CAMK2D: variants seen among roughly 807,000 people sequenced by gnomAD.
CAMK2D encodes the protein calcium/calmodulin-dependent protein kinase type II subunit delta.
A neutral mutation model predicts 84.0 loss-of-function variants in CAMK2D; 37 were observed. That is an observed-to-expected ratio of 0.44 (90% CI 0.34 to 0.58). The LOEUF (loss-of-function observed/expected upper bound fraction) is 0.58. CAMK2D is among the 20% of genes least tolerant of loss of function. CAMK2D has a pLI of 0.02. For synonymous variants in CAMK2D, 202 were observed against 212.5 expected (o/e 0.95, Z 0.43); for missense variants, 448 against 652.5 (o/e 0.69, Z 3.41).
intron 16 of CAMK2D, among the ~76,000 whole-genome samples, chr4:113,488,058 C>T (rs1410683566): frequency 1.3e-5 from 2 of 151,498 alleles, no homozygotes; most frequent in African/African-American, 2.4e-5. Flanking sequence ...TTATATTTTA[C>T]ATCACTTAAA....
At chr4:113,457,198 G>C (rs542149686) in intron 19 of CAMK2D, 137 bp downstream of exon 19, 1 of 1,429,766 alleles carries the variant, frequency 7.0e-7, no homozygotes, top group East Asian at 2.5e-5. Flanking sequence ...AACCTTTCCC[G>C]TGAAGGCATT....
intron 8 of CAMK2D, among the ~76,000 whole-genome samples, chr4:113,522,660 G>A (rs1162812820): frequency 1.3e-5 from 2 of 152,176 alleles, no homozygotes; most frequent in African/African-American, 4.8e-5. Context: ...CGGCAGCTGT[G>A]TTCATGTGTC....
At chr4:113,735,222 C>T (rs1189564598) in intron 2 of CAMK2D, among the ~76,000 whole-genome samples, 6 of 130,008 alleles carry the variant, frequency 4.6e-5, no homozygotes, top group Middle Eastern at 4.7e-3. Flanking sequence ...GAGGCCAAGG[C>T]GGGTGGATCA....
In CAMK2D at chr4:113,631,585, C is replaced by T. The variant is rs912495381; in HGVS notation, c.221-22379G>A. Among the ~76,000 whole-genome samples, 3 of 152,242 alleles carry T rather than the reference C, an allele frequency of 2.0e-5. No homozygotes were observed. In the East Asian group the frequency reaches 5.8e-4, roughly 29 times the overall value. On this transcript the variant is annotated intron_variant, in intron 3 of 20. Coordinates refer to ENST00000511664, the MANE Select transcript of CAMK2D (RefSeq NM_001321571.2). ...CGGCTCCTCTCTACACACCAACATA[C>T]AAAACAGCAAGTCATACGCCTCAGA... is the stretch of plus-strand genomic sequence containing the variant.
At chr4:113,505,276 C>T (rs1199138302) in intron 13 of CAMK2D, among the ~76,000 whole-genome samples, 2 of 152,266 alleles carry the variant, frequency 1.3e-5, no homozygotes, top group Admixed American at 6.5e-5. Context: ...TGTTGCTATG[C>T]CACCTTAGCA....
At chr4:113,461,117 TGTTTAA>T (rs2097368074) in intron 17 of CAMK2D, among the ~76,000 whole-genome samples, 1 of 152,222 alleles carries the variant, frequency 6.6e-6, no homozygotes, top group African/African-American at 2.4e-5. Flanking sequence ...CTTATTATTG[TGTTTAA>T]GTTTATTTTA....
chr4:113,561,333 A>C (rs1171009792), intron 4 of CAMK2D, among the ~76,000 whole-genome samples: 1 of 152,090 alleles, frequency 6.6e-6, no homozygotes, highest in Admixed American at 6.5e-5. Context: ...AATTAGCTGG[A>C]CATGCCTGGG....
intron 3 of CAMK2D, among the ~76,000 whole-genome samples, chr4:113,654,143 G>C (rs945892250): frequency 6.6e-6 from 1 of 151,952 alleles, no homozygotes; most frequent in Non-Finnish European, 1.5e-5. Flanking sequence ...TTTTAGATCT[G>C]GGTATGATCC....
intron 3 of CAMK2D, among the ~76,000 whole-genome samples, chr4:113,634,831 C>T (rs140827699): frequency 9.9e-5 from 15 of 152,234 alleles, no homozygotes; most frequent in Non-Finnish European, 1.0e-4. Context: ...CAAGGCATTC[C>T]CCCAAGATCT....
At chr4:113,541,349 C>G (rs538099308) in intron 6 of CAMK2D, among the ~76,000 whole-genome samples, 89 of 152,242 alleles carry the variant, frequency 5.8e-4, no homozygotes, top group Middle Eastern at 3.4e-3. Context: ...GTCCATTCAG[C>G]AGATGTTTTT....
At chr4:113,593,252 A>G (rs1403807820) in intron 4 of CAMK2D, among the ~76,000 whole-genome samples, 2 of 152,242 alleles carry the variant, frequency 1.3e-5, no homozygotes, top group Non-Finnish European at 2.9e-5. Flanking sequence ...TAGAACAAGT[A>G]AAATACTGAA....
chr4:113,673,889 C>G (rs886208058), intron 2 of CAMK2D, among the ~76,000 whole-genome samples: 1 of 152,174 alleles, frequency 6.6e-6, no homozygotes, highest in Non-Finnish European at 1.5e-5. Flanking sequence ...TGAGATCTAA[C>G]CAAGACTTCT....
intron 4 of CAMK2D, among the ~76,000 whole-genome samples, chr4:113,583,392 A>C (rs772334957): frequency 1.1e-4 from 16 of 152,234 alleles, no homozygotes; most frequent in Non-Finnish European, 1.9e-4. Context: ...AGAAGAGATT[A>C]AAAACAAAAC....
At position 113,595,736 on chromosome 4, in the gene CAMK2D, A is replaced by G. The variant is rs550895309; in HGVS notation, c.275+13416T>C. ...GCGTTATCTCTAAAAACAATGTGAC[A>G]TATCATAATTTTAAAATACTTTACT... On this transcript the variant is annotated intron_variant, in intron 4 of 20. Coordinates refer to ENST00000511664, the MANE Select transcript of CAMK2D (RefSeq NM_001321571.2). Among the ~76,000 whole-genome samples the G allele has an allele frequency of 4.6e-5, 7 of 152,314 alleles. No individual in the cohort carries two copies. In the South Asian group the frequency reaches 1.5e-3, roughly 32 times the overall value.
intron 4 of CAMK2D, among the ~76,000 whole-genome samples, chr4:113,591,865 T>C (rs1052270690): frequency 6.6e-6 from 1 of 152,130 alleles, no homozygotes; most frequent in Non-Finnish European, 1.5e-5. Flanking sequence ...TGTCTTCCCA[T>C]TCCCCAGCTC....
intron 3 of CAMK2D, among the ~76,000 whole-genome samples, chr4:113,644,649 A>G (rs567350958): frequency 6.6e-6 from 1 of 152,290 alleles, no homozygotes; most frequent in East Asian, 1.9e-4. Flanking sequence ...ATCACATTAG[A>G]CCTAGAATTG....
At chr4:113,456,154 T>C (rs2097300844) in intron 19 of CAMK2D, among the ~76,000 whole-genome samples, 1 of 152,208 alleles carries the variant, frequency 6.6e-6, no homozygotes, top group South Asian at 2.1e-4. Context: ...CAGTGATATA[T>C]AATTATTAAG....
At chr4:113,684,621 A>G (rs1245755575) in intron 2 of CAMK2D, among the ~76,000 whole-genome samples, 1 of 152,228 alleles carries the variant, frequency 6.6e-6, no homozygotes, top group Non-Finnish European at 1.5e-5. Context: ...TACTGAGGTC[A>G]GCAAGAACAG....
intron 3 of CAMK2D, among the ~76,000 whole-genome samples, chr4:113,651,504 C>T (rs2099172248): frequency 2.0e-5 from 3 of 152,194 alleles, no homozygotes; most frequent in Non-Finnish European, 4.4e-5. Context: ...CTAAAGTACA[C>T]TTTCAAAAGT....
Sources: gnomAD v4.1 joint callset for allele counts (sites outside exome capture counted in the v4.1 genomes callset) on GRCh38, gnomAD v4.1.1 for gene constraint, MANE v1.5 for transcripts, NCBI Gene and HGNC (gene_info 2026-07-23, HGNC 2026-07-21) for gene names.